ADAMTSL3: variants seen among roughly 807,000 people sequenced by gnomAD.
The protein encoded by ADAMTSL3 is ADAMTS like 3.
In ADAMTSL3, 128 loss-of-function variants were observed where a neutral mutation model predicts 201.7. The observed-to-expected ratio is 0.63, with a 90% CI of 0.55 to 0.73. ADAMTSL3 has a LOEUF of 0.73. Among genes scored for constraint, ADAMTSL3 ranks in the 30% least tolerant of loss-of-function variants. ADAMTSL3 has a pLI of 0.00. For synonymous variants in ADAMTSL3, 738 were observed against 748.4 expected (o/e 0.99, Z 0.23); for missense variants, 1,990 against 2,119.6 (o/e 0.94, Z 1.20).
chr15:83,678,868 A>C (rs1405505640), intron 2 of ADAMTSL3, among the ~76,000 whole-genome samples: 1 of 146,348 alleles, frequency 6.8e-6, no homozygotes, highest in African/African-American at 2.5e-5. Context: ...TATTATGACC[A>C]TATTATTGGA....
At chr15:83,859,623 T>C (rs1259362475) in intron 8 of ADAMTSL3, among the ~76,000 whole-genome samples, 2 of 152,242 alleles carry the variant, frequency 1.3e-5, no homozygotes, top group Non-Finnish European at 1.5e-5. Context: ...CAAGGCTAGC[T>C]AGATGCCTGG....
At chr15:83,661,120 T>C (rs1457456752) in intron 2 of ADAMTSL3, among the ~76,000 whole-genome samples, 2 of 149,618 alleles carry the variant, frequency 1.3e-5, no homozygotes, top group Non-Finnish European at 3.0e-5. Context: ...CTGAGGGCTC[T>C]GTTCTGTTCC....
At position 84,014,350 on chromosome 15, in the gene ADAMTSL3, G is replaced by A. The variant is rs571994601; in HGVS notation, c.3974-192G>A. On this transcript the variant is annotated intron_variant, in intron 23 of 29. Transcript: ENST00000286744. ...CCAGTCACATGCCCTGTAGACCAAA[G>A]CCCTTTGCTTTAAGAGGATCCTCCA... Among the ~76,000 whole-genome samples, 5 of 152,216 alleles carry A rather than the reference G, an allele frequency of 3.3e-5. No individual in the cohort carries two copies. In the East Asian group the frequency reaches 5.8e-4, roughly 18 times the overall value.
chr15:83,715,826 T>A (rs2141554666), intron 3 of ADAMTSL3, among the ~76,000 whole-genome samples: 2 of 152,330 alleles, frequency 1.3e-5, no homozygotes, highest in Middle Eastern at 3.4e-3. Context: ...CTGGCCAGAC[T>A]GGACTCCATG....
intron 5 of ADAMTSL3, among the ~76,000 whole-genome samples, chr15:83,815,961 CAG>C (rs2063764728): frequency 1.3e-5 from 2 of 152,202 alleles, no homozygotes; most frequent in African/African-American, 4.8e-5. Context: ...CTGCCTTAAT[CAG>C]ATAGCATCAT....
chr15:84,003,961 C>A (rs1215466204), intron 23 of ADAMTSL3, among the ~76,000 whole-genome samples: 1 of 152,088 alleles, frequency 6.6e-6, no homozygotes, highest in African/African-American at 2.4e-5. Context: ...TGGAATTCAA[C>A]CCCCGGAAAT....
chr15:83,966,102 C>T (rs556151323), intron 19 of ADAMTSL3, among the ~76,000 whole-genome samples: 3 of 152,038 alleles, frequency 2.0e-5, no homozygotes, highest in African/African-American at 4.8e-5. Flanking sequence ...AATTGACACC[C>T]TAACATCACA....
intron 11 of ADAMTSL3, 115 bp from the exon 12 acceptor site, chr15:83,891,214 T>C: frequency 1.1e-6 from 1 of 879,376 alleles, no homozygotes; most frequent in Non-Finnish European, 1.8e-6. Flanking sequence ...TTGATATTTT[T>C]AGTTTCCAAT....
At chr15:84,027,143 T>C (rs770928363) in intron 27 of ADAMTSL3, among the ~76,000 whole-genome samples, 1 of 152,180 alleles carries the variant, frequency 6.6e-6, no homozygotes, top group African/African-American at 2.4e-5. Flanking sequence ...TGCTTTCCAT[T>C]AGTCATTAAA....
At chr15:83,910,462 G>GTT (rs33980524) in intron 15 of ADAMTSL3, among the ~76,000 whole-genome samples, 17,048 of 142,236 alleles carry the variant, frequency 0.12, 1,165 homozygotes, top group East Asian at 0.35. Context: ...GTTGCCGTGG[G>GTT]TTTTTTTTTT....
chr15:83,800,959 A>G (rs1219428710), intron 4 of ADAMTSL3, among the ~76,000 whole-genome samples: 2 of 152,190 alleles, frequency 1.3e-5, no homozygotes, highest in Non-Finnish European at 2.9e-5. Context: ...GACCTTTTCA[A>G]TAGGCATAGC....
intron 19 of ADAMTSL3, among the ~76,000 whole-genome samples, chr15:83,957,856 T>C (rs1224143285): frequency 6.6e-6 from 1 of 152,206 alleles, no homozygotes; most frequent in Non-Finnish European, 1.5e-5. Flanking sequence ...CCATGGAAGA[T>C]GACTACCATG....
chr15:83,914,638 C>A (rs1036125422), intron 16 of ADAMTSL3, among the ~76,000 whole-genome samples: 17 of 152,158 alleles, frequency 1.1e-4, no homozygotes, highest in Admixed American at 7.2e-4. Flanking sequence ...TGTCTGGTTG[C>A]TAAAAGTCCA....
intron 7 of ADAMTSL3, among the ~76,000 whole-genome samples, chr15:83,856,890 A>G (rs558726315): frequency 1.3e-5 from 2 of 152,092 alleles, no homozygotes; most frequent in African/African-American, 2.4e-5. Context: ...TTGCCATACT[A>G]TTTTCCATGG....
chr15:83,869,580 T>C (rs759154838), intron 8 of ADAMTSL3, among the ~76,000 whole-genome samples: 44 of 152,180 alleles, frequency 2.9e-4, no homozygotes, highest in Non-Finnish European at 2.6e-4. Flanking sequence ...TCCAGGGCAC[T>C]TGAATTCCTG....
intron 3 of ADAMTSL3, among the ~76,000 whole-genome samples, chr15:83,753,023 C>T (rs1025316178): frequency 1.3e-5 from 2 of 152,140 alleles, no homozygotes; most frequent in African/African-American, 2.4e-5. Context: ...CATGAGTTTT[C>T]GTTTATCTTC....
At chr15:83,745,332 A>T (rs1046628565) in intron 3 of ADAMTSL3, among the ~76,000 whole-genome samples, 1 of 152,180 alleles carries the variant, frequency 6.6e-6, no homozygotes, top group African/African-American at 2.4e-5. Flanking sequence ...ATTTGTGTGG[A>T]TGCTAAAGGC....
chr15:83,830,647 A>T (rs1026981012), intron 6 of ADAMTSL3, among the ~76,000 whole-genome samples: 1 of 152,162 alleles, frequency 6.6e-6, no homozygotes, highest in Non-Finnish European at 1.5e-5. Flanking sequence ...GTGACAAATT[A>T]CCACAAATTT....
intron 26 of ADAMTSL3, 151 bp downstream of exon 26, chr15:84,021,744 A>G: frequency 1.2e-6 from 1 of 841,342 alleles, no homozygotes; most frequent in Non-Finnish European, 1.8e-6. Context: ...CATGGATCAC[A>G]GTGTCCTGTG....
Sources: allele counts gnomAD v4.1 joint callset (sites outside exome capture counted in the v4.1 genomes callset), GRCh38; gene constraint gnomAD v4.1.1; transcripts MANE v1.5; gene names NCBI Gene and HGNC (gene_info 2026-07-23, HGNC 2026-07-21).